Variants in NRXN3 observed in about 807,000 individuals in gnomAD.
NRXN3 encodes neurexin 3.
Under a neutral mutation model 137.6 loss-of-function variants are expected in NRXN3, and 32 were observed. The observed-to-expected ratio is 0.23, with a 90% confidence interval of 0.18 to 0.31. NRXN3 has a LOEUF of 0.31. NRXN3 is among the 10% of genes least tolerant of loss of function. NRXN3 has a pLI of 1.00. For missense variants in NRXN3, 1,574 were observed against 2,062.5 expected (o/e 0.76, Z 4.59); for synonymous variants, 798 against 784.5 (o/e 1.02, Z -0.29).
At chr14:78,711,224 C>T (rs1286771921) in intron 7 of NRXN3, among the ~76,000 whole-genome samples, 1 of 151,690 alleles carries the variant, frequency 6.6e-6, no homozygotes, top group Non-Finnish European at 1.5e-5. Context: ...TTACCTTACC[C>T]GTGTCTCAGG....
intron 4 of NRXN3, among the ~76,000 whole-genome samples, chr14:78,538,581 A>G (rs1328107292): frequency 6.6e-6 from 1 of 152,122 alleles, no homozygotes; most frequent in Non-Finnish European, 1.5e-5. Context: ...TGACTTCCTC[A>G]TTGTGTAATT....
At chr14:78,721,988 G>C (rs1214719096) in intron 8 of NRXN3, among the ~76,000 whole-genome samples, 1 of 151,870 alleles carries the variant, frequency 6.6e-6, no homozygotes, top group Non-Finnish European at 1.5e-5. Context: ...CACAAGCACA[G>C]GGTTTTATGA....
intron 15 of NRXN3, among the ~76,000 whole-genome samples, chr14:79,213,885 ATTCTTAGAAAGCTACGC>A (rs996390344): frequency 2.0e-5 from 3 of 152,190 alleles, no homozygotes; most frequent in African/African-American, 7.2e-5. Context: ...TAGCATTTCC[ATTCTTAGAAAGCTACGC>A]TTCTTAGAAA....
chr14:79,189,063 C>T (rs4489937), intron 15 of NRXN3, among the ~76,000 whole-genome samples: 136,178 of 151,778 alleles, frequency 0.9, 62,973 homozygotes, highest in East Asian at 1. Flanking sequence ...CTATAAATCA[C>T]GCTGCTATAA....
chr14:79,082,359 G>A (rs1160093961), intron 15 of NRXN3, among the ~76,000 whole-genome samples: 1 of 150,210 alleles, frequency 6.7e-6, no homozygotes, highest in Non-Finnish European at 1.5e-5. Flanking sequence ...AAACATTTTT[G>A]CATTTGCCAA....
At position 78,948,628 on chromosome 14, in the gene NRXN3, CTTTTTTTTTT is replaced by C. The variant is rs201010514; in HGVS notation, c.2276-8599_2276-8590del. 5.4e-3 allele frequency among the ~76,000 whole-genome samples: 587 copies of C among 108,648 alleles called. 3 individuals carry two copies. Among genetic ancestry groups the C allele is most frequent in the African/African-American group, 0.012 (376 of 30,688 alleles). 71.3% of individuals were successfully genotyped at this position (108,648 alleles called of 152,430 possible). On this transcript the variant is annotated intron_variant, in intron 10 of 20. Coordinates refer to ENST00000335750, the MANE Select transcript of NRXN3 (RefSeq NM_001330195.2). The stretch of plus-strand genomic sequence containing the variant: ...TTTCATTTACAATATACACATTTAA[CTTTTTTTTTT>C]TTTTTTTTTTTTTTGCTTTATTAAT...
chr14:78,759,199 C>T (rs952085920), intron 8 of NRXN3, among the ~76,000 whole-genome samples: 6 of 152,166 alleles, frequency 3.9e-5, no homozygotes, highest in African/African-American at 1.2e-4. Context: ...ATTAAAAAAG[C>T]TCACACTCTG....
chr14:78,805,880 T>A (rs1339308904), intron 9 of NRXN3, among the ~76,000 whole-genome samples: 1 of 152,030 alleles, frequency 6.6e-6, no homozygotes, highest in Admixed American at 6.5e-5. Context: ...AATAAAAGCG[T>A]ATAAGAAATA....
chr14:78,229,769 C>T (rs1183390447), intron 1 of NRXN3, among the ~76,000 whole-genome samples: 1 of 152,198 alleles, frequency 6.6e-6, no homozygotes, highest in Non-Finnish European at 1.5e-5. Context: ...CTTGCTGTGT[C>T]TTTTCTTTGC....
chr14:79,712,205 C>A (rs548480419), intron 19 of NRXN3, among the ~76,000 whole-genome samples: 1 of 152,308 alleles, frequency 6.6e-6, no homozygotes, highest in Non-Finnish European at 1.5e-5. Context: ...CATTTCCCTT[C>A]ATAGTTCTAG....
At chr14:78,828,606 A>G (rs774595999) in intron 10 of NRXN3, among the ~76,000 whole-genome samples, 18 of 152,350 alleles carry the variant, frequency 1.2e-4, no homozygotes, top group African/African-American at 4.1e-4. Flanking sequence ...CCCAATGGCC[A>G]TAGTTTGCTA....
intron 19 of NRXN3, among the ~76,000 whole-genome samples, chr14:79,710,158 A>G (rs766414331): frequency 1.2e-4 from 18 of 151,970 alleles, no homozygotes; most frequent in Non-Finnish European, 2.4e-4. Flanking sequence ...TTTTTTCCCT[A>G]GGGATTTATT....
chr14:79,467,695 T>C (rs1008688991), intron 16 of NRXN3, among the ~76,000 whole-genome samples: 1 of 152,156 alleles, frequency 6.6e-6, no homozygotes, highest in Non-Finnish European at 1.5e-5. Context: ...TTCTAGGGTA[T>C]ATTTAAGAGA....
At chr14:79,708,841 A>ATGAT (rs569566546) in intron 19 of NRXN3, among the ~76,000 whole-genome samples, 196 of 152,272 alleles carry the variant, frequency 1.3e-3, no homozygotes, top group Non-Finnish European at 2.5e-3. Context: ...GGGAAATAAA[A>ATGAT]TGATTGGGGA....
At chr14:79,074,202 G>GCA (rs1299682035) in intron 15 of NRXN3, among the ~76,000 whole-genome samples, 1 of 152,078 alleles carries the variant, frequency 6.6e-6, no homozygotes, top group African/African-American at 2.4e-5. Context: ...CTGCAGTCTT[G>GCA]CACATCAAAT....
chr14:78,188,134 G>A (rs2060398136), intron 1 of NRXN3, among the ~76,000 whole-genome samples: 1 of 152,178 alleles, frequency 6.6e-6, no homozygotes, highest in Non-Finnish European at 1.5e-5. Context: ...CAGCTAGTAA[G>A]TGTTACATCC....
At chr14:79,575,029 T>C (rs1434156672) in intron 16 of NRXN3, among the ~76,000 whole-genome samples, 1 of 152,202 alleles carries the variant, frequency 6.6e-6, no homozygotes, top group Non-Finnish European at 1.5e-5. Context: ...CTGTGAAATG[T>C]GCCTTCTAAT....
intron 10 of NRXN3, among the ~76,000 whole-genome samples, chr14:78,885,945 A>G (rs2099142423): frequency 6.6e-6 from 1 of 152,098 alleles, no homozygotes; most frequent in Admixed American, 6.5e-5. Context: ...ATAGAGTCAT[A>G]GAGGATCCAA....
chr14:79,703,632 G>GC (rs71454886), intron 19 of NRXN3, among the ~76,000 whole-genome samples: 7 of 152,038 alleles, frequency 4.6e-5, no homozygotes, highest in Admixed American at 2.0e-4. Flanking sequence ...TGGGGAAACT[G>GC]CCCCCCTGAT....
Sources: gnomAD v4.1 joint callset for allele counts (sites outside exome capture counted in the v4.1 genomes callset) on GRCh38, gnomAD v4.1.1 for gene constraint, MANE v1.5 for transcripts, NCBI Gene and HGNC (gene_info 2026-07-23, HGNC 2026-07-21) for gene names.